The following PLPPR2 variants were observed in gnomAD, a reference collection of about 807,000 sequenced individuals.
PLPPR2 encodes phospholipid phosphatase related 2, also known as phospholipid phosphatase-related protein type 2.
In PLPPR2, 11 loss-of-function variants were observed where a neutral mutation model predicts 40.3. The observed-to-expected ratio is 0.27, with a 90% CI of 0.17 to 0.45. The LOEUF is 0.45. PLPPR2 is among the 20% of genes least tolerant of loss of function. The pLI is 1.00. For synonymous variants in PLPPR2, 260 were observed against 290.8 expected (o/e 0.89, Z 1.08); for missense variants, 497 against 640.7 (o/e 0.78, Z 2.42).
In PLPPR2 at chr19:11,361,628, G is replaced by C; in HGVS notation, c.663+140G>C. 3.3e-6 allele frequency: 4 copies of C among 1,216,436 alleles called. No individual in the cohort carries two copies. The highest frequency in any genetic ancestry group is 4.5e-6 in the Non-Finnish European group (4 of 897,230). The allele number at this position is 1,216,436 out of a possible 1,614,324, so 75.4% of individuals were successfully genotyped here. ...AAGCTCTCGCTCCACGCCCCGACCTGTTGGAAGCTCTCCCTCCTCCTCCCA... is the reference window on the plus strand; with the variant it reads ...AAGCTCTCGCTCCACGCCCCGACCTCTTGGAAGCTCTCCCTCCTCCTCCCA... On this transcript the variant is annotated intron_variant, in intron 6 of 9. Transcript: ENST00000688289. This position sits in a 1 kb window ranked among gnomAD's most constrained non-coding sequence, Gnocchi z 6.3.
Position 11,364,622 on chromosome 19 carries a change from T to C in PLPPR2, c.1291T>C (p.Tyr431His). ...LRDLYTLSGL[Y>H]PSPFHRDNFS... ...GGACCTGTACACCCTGAGTGGACTC[T>C]ATCCCTCCCCCTTCCACCGGGACAA... The change falls in exon 10 of 10, where the codon TAT becomes CAT. Residue 431 changes from tyrosine (Y) to histidine (H), a missense_variant. Physicochemically the swap from Tyr to His is moderately conservative, Grantham distance 83. Transcript: ENST00000688289. The surrounding 1 kb of genome is among the most constrained non-coding windows in gnomAD (Gnocchi z 5.8). 1 of 1,537,212 alleles carries C rather than the reference T, an allele frequency of 6.5e-7. No homozygotes were observed. The highest frequency in any genetic ancestry group is 8.7e-7 in the Non-Finnish European group (1 of 1,146,880).
chr19:11,361,622 C>G lies in PLPPR2; in HGVS notation c.663+134C>G, dbSNP rs1234514116. 2.1e-5 allele frequency: 27 copies of G among 1,262,544 alleles called. No individual in the cohort carries two copies. Among genetic ancestry groups the G allele is most frequent in the South Asian group, 3.0e-5 (2 of 65,998 alleles). 78.2% of individuals were successfully genotyped at this position (1,262,544 alleles called of 1,614,324 possible). A position where few individuals can be genotyped will look rare whatever the true frequency, so the allele number is the denominator to read the frequency against. On this transcript the variant is annotated intron_variant, in intron 6 of 9. Transcript: ENST00000688289. The surrounding 1 kb of genome is among the most constrained non-coding windows in gnomAD (Gnocchi z 6.3). ...TGTTGGAAGCTCTCGCTCCACGCCC[C>G]GACCTGTTGGAAGCTCTCCCTCCTC...
rs1319311537 is a variant in PLPPR2 at position 11,364,603 on chromosome 19, G to A, written c.1272G>A (p.Leu424=). 5 of 1,537,030 alleles carry A rather than the reference G, an allele frequency of 3.3e-6. No homozygotes were observed. Among genetic ancestry groups the A allele is most frequent in the Non-Finnish European group, 4.4e-6 (5 of 1,146,884 alleles). The stretch of plus-strand genomic sequence containing the variant: ...TGCCCACGCCCCTGCTGCGGGACCT[G>A]TACACCCTGAGTGGACTCTATCCCT... ...LLLPTPLLRD[L]YTLSGLYPSP... The change falls in exon 10 of 10, where the codon CTG becomes CTA. Residue 424 remains leucine (L), a synonymous_variant. Transcript: ENST00000688289. The surrounding 1 kb of genome is among the most constrained non-coding windows in gnomAD (Gnocchi z 5.8).
chr19:11,356,117 C>T (rs908633718), intron 1 of PLPPR2, among the ~76,000 whole-genome samples: 3 of 151,426 alleles, frequency 2.0e-5, no homozygotes, highest in African/African-American at 2.4e-5. Context: ...TGTGGTCGTG[C>T]GCTGTGCACC....
At chr19:11,360,462 G>A (rs1968013588) in intron 5 of PLPPR2, among the ~76,000 whole-genome samples, 1 of 152,040 alleles carries the variant, frequency 6.6e-6, no homozygotes, top group Non-Finnish European at 1.5e-5. Context: ...AGGGGGGAAG[G>A]AAGAGGACCT....
rs1599406088 is a variant in PLPPR2 at position 11,362,237 on chromosome 19, A to T, written c.664-276A>T. On this transcript the variant is annotated intron_variant, in intron 6 of 9. Coordinates refer to ENST00000688289, the MANE Select transcript of PLPPR2 (RefSeq NM_001393892.1). This position sits in a 1 kb window ranked among gnomAD's most constrained non-coding sequence, Gnocchi z 5.3. The stretch of plus-strand genomic sequence containing the variant: ...CGGACCAGGGACACCTGGGCCCCAG[A>T]CCTTGTCCTCTGCTCTTGGGAGCTC... 6.6e-6 allele frequency among the ~76,000 whole-genome samples: 1 copy of T among 151,336 alleles called. No homozygotes were observed. The highest frequency in any genetic ancestry group is 1.5e-5 in the Non-Finnish European group (1 of 67,822).
At position 11,364,727 on chromosome 19, in the gene PLPPR2, C is replaced by A. The variant is rs1481866182; in HGVS notation, c.*37C>A. On this transcript the variant is annotated 3_prime_UTR_variant, in exon 10 of 10. Transcript: ENST00000688289. The surrounding 1 kb of genome is among the most constrained non-coding windows in gnomAD (Gnocchi z 5.8). ...CCACCCAGAATCTGCCCAGTCCCCACTTCTTCCCTGCCACGCGTGTGTGTG... is the reference window on the plus strand; with the variant it reads ...CCACCCAGAATCTGCCCAGTCCCCAATTCTTCCCTGCCACGCGTGTGTGTG... The A allele has an allele frequency of 4.6e-6, 7 of 1,536,192 alleles. No individual in the cohort carries two copies. Among genetic ancestry groups the A allele is most frequent in the Non-Finnish European group, 5.2e-6 (6 of 1,146,248 alleles).
rs1464147652 is a variant in PLPPR2 at position 11,361,685 on chromosome 19, C to T, written c.663+197C>T. ...AGCCACGCCCCCAGTCAGAGGCTAT[C>T]GCTGTCCATTGACTCCGCCCCTTGC... On this transcript the variant is annotated intron_variant, in intron 6 of 9. Coordinates refer to ENST00000688289, the MANE Select transcript of PLPPR2 (RefSeq NM_001393892.1). The surrounding 1 kb of genome is among the most constrained non-coding windows in gnomAD (Gnocchi z 6.3). Among the ~76,000 whole-genome samples the T allele has an allele frequency of 6.6e-6, 1 of 152,066 alleles. No homozygotes were observed. Among genetic ancestry groups the T allele is most frequent in the Non-Finnish European group, 1.5e-5 (1 of 67,970 alleles).
Position 11,363,634 on chromosome 19 carries a change from T to G in PLPPR2, c.841-79T>G. On this transcript the variant is annotated intron_variant, in intron 7 of 9. Coordinates refer to ENST00000688289, the MANE Select transcript of PLPPR2 (RefSeq NM_001393892.1). The surrounding 1 kb of genome is among the most constrained non-coding windows in gnomAD (Gnocchi z 4.8). ...AAACCGGAGCCTCACTTTCCTTATC[T>G]GAAAAATGGGGATGGTATTTACATG... 6.8e-7 allele frequency: 1 copy of G among 1,480,144 alleles called. No individual in the cohort carries two copies. The allele number at this position is 1,480,144 out of a possible 1,614,324, so 91.7% of individuals were successfully genotyped here.
chr19:11,356,536 G>A (rs1335641887), intron 1 of PLPPR2, among the ~76,000 whole-genome samples: 4 of 152,114 alleles, frequency 2.6e-5, no homozygotes, highest in Non-Finnish European at 4.4e-5. Flanking sequence ...GACATGTGTT[G>A]TGTGTGTTGG....
intron 1 of PLPPR2, among the ~76,000 whole-genome samples, chr19:11,356,256 G>A (rs997033349): frequency 8.6e-5 from 13 of 151,988 alleles, no homozygotes; most frequent in Middle Eastern, 6.8e-3. Flanking sequence ...TGTGGCTGTC[G>A]CTGAGTGCCT....
rs755639166 is a variant in PLPPR2, at chr19:11,361,422, C to G, written c.597C>G (p.Ala199=). 2 of 1,606,210 alleles carry G rather than the reference C, an allele frequency of 1.2e-6. No homozygotes were observed. Among genetic ancestry groups the G allele is most frequent in the Admixed American group, 3.3e-5 (2 of 59,934 alleles). The change falls in exon 6 of 10, where the codon GCC becomes GCG. Residue 199 remains alanine (A), a synonymous_variant. Transcript: ENST00000688289. This position sits in a 1 kb window ranked among gnomAD's most constrained non-coding sequence, Gnocchi z 6.3. ...GACAGSPSLV[A]AARRAFPCKD... is the part of the protein sequence containing the mutation. ...GCGCTGGCAGTCCCAGCCTCGTGGC[C>G]GCCGCGCGCCGCGCCTTCCCCTGCA...
intron 1 of PLPPR2, among the ~76,000 whole-genome samples, chr19:11,355,882 GGTGT>G (rs138201602): frequency 2.9e-4 from 43 of 150,840 alleles, no homozygotes; most frequent in South Asian, 6.3e-4. Flanking sequence ...GAGGTCCGCG[GGTGT>G]GTGTGTGTGT....
chr19:11,357,364 T>A (rs1185411524), intron 2 of PLPPR2, among the ~76,000 whole-genome samples: 1 of 151,978 alleles, frequency 6.6e-6, no homozygotes, highest in African/African-American at 2.4e-5. Context: ...GCCCACCTCC[T>A]AAAGGGCATT....
In PLPPR2 at chr19:11,362,007, T is replaced by C; in HGVS notation, c.664-506T>C. Among the ~76,000 whole-genome samples the C allele has an allele frequency of 6.6e-6, 1 of 152,098 alleles. No homozygotes were observed. The highest frequency in any genetic ancestry group is 1.9e-4 in the East Asian group (1 of 5,190). On this transcript the variant is annotated intron_variant, in intron 6 of 9. Transcript: ENST00000688289. This position sits in a 1 kb window ranked among gnomAD's most constrained non-coding sequence, Gnocchi z 5.3. ...TGGGATTTCTAACTCTGTCCCCTGC[T>C]TTTTCCTGGTCACATCCCCTGTTGC...
rs1968109515 is a variant in PLPPR2 at position 11,363,578 on chromosome 19, C to T, written c.841-135C>T. 2.0e-6 allele frequency: 2 copies of T among 1,013,746 alleles called. No individual in the cohort carries two copies. The highest frequency in any genetic ancestry group is 2.7e-6 in the Non-Finnish European group (2 of 728,760). 62.8% of individuals were successfully genotyped at this position (1,013,746 alleles called of 1,614,324 possible). ...CTCAGTAAAATGGAACCAACAGTGC[C>T]TGGCACATACTATGCATTAGCTGTT... is the stretch of plus-strand genomic sequence containing the variant. On this transcript the variant is annotated intron_variant, in intron 7 of 9. Coordinates refer to ENST00000688289, the MANE Select transcript of PLPPR2 (RefSeq NM_001393892.1). The surrounding 1 kb of genome is among the most constrained non-coding windows in gnomAD (Gnocchi z 4.8).
At position 11,361,372 on chromosome 19, in the gene PLPPR2, C is replaced by T. The variant is rs950439217; in HGVS notation, c.547C>T (p.Arg183Cys). Residue 183 changes from arginine to cysteine, a missense_variant, in exon 6 of 10, where the codon CGC becomes TGC. Physicochemically the swap from Arg to Cys is radical, Grantham distance 180. Coordinates refer to ENST00000688289, the MANE Select transcript of PLPPR2 (RefSeq NM_001393892.1). This position sits in a 1 kb window ranked among gnomAD's most constrained non-coding sequence, Gnocchi z 6.3. Reference protein sequence around the residue: ...PPSPDRPGPDRFVTDQGACAG... With the variant: ...PPSPDRPGPDCFVTDQGACAG... ...TTCTCCGGATCGGCCAGGTCCCGAC[C>T]GCTTTGTCACTGACCAGGGTGCCTG... The T allele has an allele frequency of 1.2e-6, 2 of 1,611,926 alleles. No homozygotes were observed. Among genetic ancestry groups the T allele is most frequent in the South Asian group, 1.1e-5 (1 of 91,084 alleles).
In PLPPR2 at chr19:11,364,461, C is replaced by T. The variant is rs1367976262; in HGVS notation, c.1130C>T (p.Thr377Met). ...VPRPRLRSEP[T>M]PLPLPLPLPA... is the part of the protein sequence containing the mutation. ...CGTCCTCGATTGAGGTCTGAGCCGACGCCCTTGCCCCTGCCCCTACCCCTG... is the reference window on the plus strand; with the variant it reads ...CGTCCTCGATTGAGGTCTGAGCCGATGCCCTTGCCCCTGCCCCTACCCCTG... The change falls in exon 10 of 10, where the codon ACG becomes ATG. Residue 377 changes from threonine to methionine, a missense_variant. Thr to Met is a moderately conservative substitution (Grantham distance 81). Transcript: ENST00000688289. The surrounding 1 kb of genome is among the most constrained non-coding windows in gnomAD (Gnocchi z 5.8). 19 of 1,508,338 alleles carry T rather than the reference C, an allele frequency of 1.3e-5. No individual in the cohort carries two copies. The East Asian group carries it at 2.1e-4, about 17-fold the overall frequency. The allele number at this position is 1,508,338 out of a possible 1,614,324, so 93.4% of individuals were successfully genotyped here.
At position 11,362,817 on chromosome 19, in the gene PLPPR2, C is replaced by A; in HGVS notation, c.840+128C>A. ...CTTGGGCCAATCCCTTAACATTACC[C>A]TTCCTGGATATTCTCATCTGTGAAA... On this transcript the variant is annotated intron_variant, in intron 7 of 9. Coordinates refer to ENST00000688289, the MANE Select transcript of PLPPR2 (RefSeq NM_001393892.1). This position sits in a 1 kb window ranked among gnomAD's most constrained non-coding sequence, Gnocchi z 5.3. The A allele has an allele frequency of 1.9e-6, 2 of 1,037,252 alleles. No homozygotes were observed. The highest frequency in any genetic ancestry group is 2.7e-6 in the Non-Finnish European group (2 of 733,568). 64.3% of individuals were successfully genotyped at this position (1,037,252 alleles called of 1,614,324 possible). A position where few individuals can be genotyped will look rare whatever the true frequency, so the allele number is the denominator to read the frequency against.
Sources: gnomAD v4.1 joint callset for allele counts (sites outside exome capture counted in the v4.1 genomes callset) on GRCh38, gnomAD v4.1.1 for gene constraint, Gnocchi (gnomAD v3.1) non-coding constraint, MANE v1.5 for transcripts, NCBI Gene and HGNC (gene_info 2026-07-23, HGNC 2026-07-21) for gene names.